Variants in PCDH15 observed in about 807,000 individuals in gnomAD.
The protein encoded by PCDH15 is protocadherin related 15, also known as protocadherin-15.
In PCDH15, 129 loss-of-function variants were observed where a neutral mutation model predicts 178.5. The observed-to-expected ratio is 0.72, with a 90% CI of 0.63 to 0.84. The LOEUF (loss-of-function observed/expected upper bound fraction) is 0.84. PCDH15 is among the 40% of genes least tolerant of loss of function. The pLI, the probability that PCDH15 is intolerant of heterozygous loss-of-function variation, is 0.00. For synonymous variants in PCDH15, 800 were observed against 732.0 expected, an observed-to-expected ratio of 1.09 and a Z score of -1.50; for missense variants, 2,230 against 2,099.9, an observed-to-expected ratio of 1.06 and a Z score of -1.21.
At chr10:53,929,342 T>A (rs2084839523) in intron 25 of PCDH15, among the ~76,000 whole-genome samples, 1 of 152,124 alleles carries the variant, frequency 6.6e-6, no homozygotes, top group East Asian at 1.9e-4. Context: ...CAACCATATA[T>A]TTATATAAGA....
chr10:54,400,051 T>C (rs6481094), intron 3 of PCDH15, among the ~76,000 whole-genome samples: 151,206 of 152,176 alleles, frequency 0.99, 75,128 homozygotes, highest in Middle Eastern at 1. Flanking sequence ...GCAAGGTTGT[T>C]GACACCCAGG....
At chr10:55,067,220 C>T (rs1340000135) in intron 2 of PCDH15, among the ~76,000 whole-genome samples, 1 of 151,928 alleles carries the variant, frequency 6.6e-6, no homozygotes, top group Non-Finnish European at 1.5e-5. Flanking sequence ...TACTCATTAA[C>T]CAACCTCCCT....
At chr10:53,877,588 T>C (rs2080338711) in intron 26 of PCDH15, among the ~76,000 whole-genome samples, 1 of 152,222 alleles carries the variant, frequency 6.6e-6, no homozygotes, top group African/African-American at 2.4e-5. Flanking sequence ...CTTAGTTACA[T>C]TAGGTTCAAT....
chr10:54,376,452 A>G (rs1948448824), intron 4 of PCDH15, among the ~76,000 whole-genome samples: 1 of 150,900 alleles, frequency 6.6e-6, no homozygotes, highest in Non-Finnish European at 1.5e-5. Context: ...ATATATGAAT[A>G]TCATAGTATT....
chr10:54,647,013 G>A (rs973987768), intron 2 of PCDH15, among the ~76,000 whole-genome samples: 1 of 151,904 alleles, frequency 6.6e-6, no homozygotes, highest in Non-Finnish European at 1.5e-5. Context: ...ACTGAAATCA[G>A]GATCTTAAAG....
At chr10:54,712,394 C>T (rs2095435813) in intron 1 of PCDH15, among the ~76,000 whole-genome samples, 1 of 151,596 alleles carries the variant, frequency 6.6e-6, no homozygotes, top group African/African-American at 2.4e-5. Context: ...ACACAACAAG[C>T]AGTAGAAGAG....
At chr10:55,336,443 A>C (rs1165766333) in intron 2 of PCDH15, among the ~76,000 whole-genome samples, 1 of 152,170 alleles carries the variant, frequency 6.6e-6, no homozygotes, top group Non-Finnish European at 1.5e-5. Flanking sequence ...GGTTGCAGTG[A>C]GCCAAGGTCA....
intron 15 of PCDH15, among the ~76,000 whole-genome samples, chr10:54,124,138 T>C (rs1001499321): frequency 3.3e-5 from 5 of 152,142 alleles, no homozygotes; most frequent in South Asian, 2.1e-4. Flanking sequence ...AACGTGTACA[T>C]GTACCCTTTG....
At chr10:54,502,063 CTG>C (rs1455516316) in intron 3 of PCDH15, among the ~76,000 whole-genome samples, 1 of 151,882 alleles carries the variant, frequency 6.6e-6, no homozygotes, top group East Asian at 1.9e-4. Context: ...TCTTCCTCCT[CTG>C]TCTTTATCTT....
chr10:53,982,946 G>A (rs904731659), intron 21 of PCDH15, among the ~76,000 whole-genome samples: 3 of 151,738 alleles, frequency 2.0e-5, no homozygotes, highest in Non-Finnish European at 4.4e-5. Flanking sequence ...ACTTACTCAG[G>A]CTCACATTGT....
chr10:55,249,470 G>A (rs2132221693), intron 1 of PCDH15, among the ~76,000 whole-genome samples: 1 of 152,212 alleles, frequency 6.6e-6, no homozygotes, highest in East Asian at 1.9e-4. Flanking sequence ...CAAATTGGGA[G>A]AAGACATTTA....
At chr10:54,304,135 T>C (rs2060318807) in intron 8 of PCDH15, among the ~76,000 whole-genome samples, 2 of 152,052 alleles carry the variant, frequency 1.3e-5, no homozygotes, top group Non-Finnish European at 2.9e-5. Flanking sequence ...CATGGCAAGG[T>C]TTTTTCAATT....
At chr10:55,303,518 A>C (rs1476083152) in intron 1 of PCDH15, among the ~76,000 whole-genome samples, 3 of 152,150 alleles carry the variant, frequency 2.0e-5, no homozygotes. Flanking sequence ...TTGCCTGTTG[A>C]CTCAGAGGAA....
In PCDH15 at chr10:54,033,952, T is replaced by G. The variant is rs367753005; in HGVS notation, c.2221-10755A>C. ...AGAGTAATGTATACCTTAAGCATTG[T>G]CCTTCTGTCACAGGGCTTTTCATTA... On this transcript the variant is annotated intron_variant, in intron 18 of 37. Transcript: ENST00000644397. Among the ~76,000 whole-genome samples, 13 of 151,530 alleles carry G rather than the reference T, an allele frequency of 8.6e-5. 1 individual carries two copies. Among genetic ancestry groups the G allele is most frequent in the East Asian group, 5.8e-4 (3 of 5,174 alleles).
chr10:55,537,624 C>T (rs1841610139), intron 2 of PCDH15, among the ~76,000 whole-genome samples: 2 of 151,918 alleles, frequency 1.3e-5, no homozygotes, highest in South Asian at 2.1e-4. Flanking sequence ...TTAGTACAGA[C>T]GGGGTTTCAC....
At chr10:55,360,575 A>T (rs952848713) in intron 2 of PCDH15, among the ~76,000 whole-genome samples, 26 of 152,134 alleles carry the variant, frequency 1.7e-4, no homozygotes, top group Admixed American at 7.2e-4. Flanking sequence ...CATAAAAGAG[A>T]ATACCCAAAT....
intron 1 of PCDH15, among the ~76,000 whole-genome samples, chr10:54,732,006 G>C (rs904324607): frequency 1.3e-5 from 2 of 150,796 alleles, no homozygotes; most frequent in African/African-American, 4.9e-5. Context: ...ACACTGATTT[G>C]ATATTTACAA....
At chr10:54,359,996 C>A (rs76932007) in intron 5 of PCDH15, among the ~76,000 whole-genome samples, 1 of 152,034 alleles carries the variant, frequency 6.6e-6, no homozygotes, top group East Asian at 1.9e-4. Context: ...AGAAGAAATA[C>A]TGAAACTGGT....
At chr10:54,238,734 C>A (rs1188663230) in intron 8 of PCDH15, among the ~76,000 whole-genome samples, 1 of 147,854 alleles carries the variant, frequency 6.8e-6, no homozygotes, top group African/African-American at 2.5e-5. Flanking sequence ...AATCAATTTG[C>A]TTGGTATGCA....
Sources: gnomAD v4.1 joint callset for allele counts (sites outside exome capture counted in the v4.1 genomes callset) on GRCh38, gnomAD v4.1.1 for gene constraint, MANE v1.5 for transcripts, NCBI Gene and HGNC (gene_info 2026-07-23, HGNC 2026-07-21) for gene names.